DLG1: variants seen among roughly 807,000 people sequenced by gnomAD.
DLG1 encodes the protein discs large MAGUK scaffold protein 1, also known as disks large homolog 1.
Under a neutral mutation model 123.4 loss-of-function variants are expected in DLG1, and 42 were observed. The ratio of observed to expected loss-of-function variants is 0.34; its 90% CI spans 0.27 to 0.44. The LOEUF is 0.44. Among genes scored for constraint, DLG1 ranks in the 20% least tolerant of loss-of-function variants. The pLI, the probability that DLG1 is intolerant of heterozygous loss-of-function variation, is 1.00. For synonymous variants in DLG1, 317 were observed against 356.2 expected (o/e 0.89, Z 1.24); for missense variants, 942 against 1,082.6 (o/e 0.87, Z 1.82).
chr3:197,093,137 A>G (rs149961761), intron 14 of DLG1, among the ~76,000 whole-genome samples: 34 of 152,250 alleles, frequency 2.2e-4, no homozygotes, highest in African/African-American at 7.0e-4. Flanking sequence ...TATACACACA[A>G]ACATCACAAG....
At chr3:197,070,564 C>CTTTTTTTTTTTTTTTTTTTTTTTTT (rs1491200833) in intron 18 of DLG1, 3 of 44,922 alleles carry the variant, frequency 6.7e-5, no homozygotes, top group Non-Finnish European at 1.6e-4. Context: ...CTGGAAATTT[C>CTTTTTTTTTTTTTTTTTTTTTTTTT]ATTTTTTTTT....
intron 10 of DLG1, among the ~76,000 whole-genome samples, chr3:197,132,173 TCA>T (rs937725724): frequency 1.3e-5 from 2 of 152,122 alleles, no homozygotes; most frequent in African/African-American, 4.8e-5. Context: ...GGACCAACTT[TCA>T]GTTTTGTCTG....
intron 14 of DLG1, among the ~76,000 whole-genome samples, chr3:197,093,046 AAAC>A (rs1758606415): frequency 6.6e-6 from 1 of 152,198 alleles, no homozygotes; most frequent in Admixed American, 6.5e-5. Context: ...GTCAACATTT[AAAC>A]AATATAAAGA....
chr3:197,231,843 A>G (rs1217536190), intron 4 of DLG1, among the ~76,000 whole-genome samples: 1 of 152,236 alleles, frequency 6.6e-6, no homozygotes, highest in African/African-American at 2.4e-5. Flanking sequence ...ATCAAACTGC[A>G]CTACCTTGAC....
chr3:197,133,913 T>C (rs1273714003), intron 10 of DLG1, among the ~76,000 whole-genome samples: 3 of 152,146 alleles, frequency 2.0e-5, no homozygotes, highest in Non-Finnish European at 4.4e-5. Flanking sequence ...ATGATTCCAG[T>C]GTAATTAAGA....
chr3:197,194,889 A>G (rs1254955439), intron 4 of DLG1, among the ~76,000 whole-genome samples: 1 of 152,204 alleles, frequency 6.6e-6, no homozygotes, highest in East Asian at 1.9e-4. Context: ...AATTATTTAA[A>G]TAAAGTCAAT....
chr3:197,188,239 T>G (rs1448731400), intron 5 of DLG1, among the ~76,000 whole-genome samples: 2 of 152,218 alleles, frequency 1.3e-5, no homozygotes, highest in Non-Finnish European at 2.9e-5. Flanking sequence ...TCCACTGTAT[T>G]TATTTACCCC....
intron 5 of DLG1, among the ~76,000 whole-genome samples, chr3:197,189,082 C>T (rs1331439687): frequency 6.6e-6 from 1 of 152,176 alleles, no homozygotes; most frequent in Non-Finnish European, 1.5e-5. Context: ...TATCAGAATA[C>T]AATCTGTCAG....
chr3:197,151,158 T>TA (rs1793666332), intron 5 of DLG1, among the ~76,000 whole-genome samples: 2 of 152,196 alleles, frequency 1.3e-5, no homozygotes, highest in South Asian at 2.1e-4. Context: ...TTTACGTTGC[T>TA]AAAAAAATTA....
chr3:197,236,142 C>T (rs1026718181), intron 4 of DLG1, among the ~76,000 whole-genome samples: 4 of 151,962 alleles, frequency 2.6e-5, no homozygotes, highest in Non-Finnish European at 4.4e-5. Flanking sequence ...GGCGAAATCC[C>T]GTCTCTACAA....
At chr3:197,160,845 C>CA (rs573222216) in intron 5 of DLG1, among the ~76,000 whole-genome samples, 2,046 of 150,092 alleles carry the variant, frequency 0.014, 42 homozygotes, top group African/African-American at 0.044. Flanking sequence ...TCAATAATGG[C>CA]AAAAAAAAAT....
chr3:197,084,424 G>A (rs1456718791), intron 16 of DLG1, among the ~76,000 whole-genome samples: 1 of 151,450 alleles, frequency 6.6e-6, no homozygotes, highest in Non-Finnish European at 1.5e-5. Flanking sequence ...CAATTCTCCT[G>A]CCTCAGCCTC....
At chr3:197,135,037 A>G (rs1005359903) in intron 10 of DLG1, among the ~76,000 whole-genome samples, 6 of 152,224 alleles carry the variant, frequency 3.9e-5, no homozygotes, top group African/African-American at 1.4e-4. Context: ...CATGACAAGC[A>G]ACAAGCTACC....
intron 4 of DLG1, among the ~76,000 whole-genome samples, chr3:197,265,532 G>T (rs79918545): frequency 0.01 from 1,524 of 152,226 alleles, 14 homozygotes; most frequent in Non-Finnish European, 0.015. Flanking sequence ...AGGAGAGAGC[G>T]GGACAGAAAA....
At chr3:197,116,801 G>A (rs1242197388) in intron 12 of DLG1, among the ~76,000 whole-genome samples, 1 of 152,076 alleles carries the variant, frequency 6.6e-6, no homozygotes, top group Non-Finnish European at 1.5e-5. Context: ...CAGGCCTAAG[G>A]TTGCTATACC....
chr3:197,213,525 C>G (rs371175845), intron 4 of DLG1, among the ~76,000 whole-genome samples: 1 of 152,108 alleles, frequency 6.6e-6, no homozygotes, highest in Non-Finnish European at 1.5e-5. Context: ...TCAAACTGTA[C>G]GCTTTACACA....
chr3:197,180,529 T>C (rs1434529057), intron 5 of DLG1, among the ~76,000 whole-genome samples: 1 of 152,154 alleles, frequency 6.6e-6, no homozygotes, highest in African/African-American at 2.4e-5. Context: ...GTTTCACCAA[T>C]GTAATTCATA....
chr3:197,231,331 T>C (rs948854891), intron 4 of DLG1, among the ~76,000 whole-genome samples: 4 of 152,256 alleles, frequency 2.6e-5, no homozygotes, highest in Non-Finnish European at 4.4e-5. Flanking sequence ...CACAATAATG[T>C]GGACATTTCT....
In DLG1 at chr3:197,043,756, A is replaced by G. The variant is rs1721367456; in HGVS notation, c.*867T>C. The G allele has an allele frequency of 6.6e-6, 1 of 152,016 alleles. No individual in the cohort carries two copies. The highest frequency in any genetic ancestry group is 2.1e-4 in the South Asian group (1 of 4,836). The allele number at this position is 152,016 out of a possible 1,614,324, so 9.4% of individuals were successfully genotyped here. A position where few individuals can be genotyped will look rare whatever the true frequency, so the allele number is the denominator to read the frequency against. On this transcript the variant is annotated 3_prime_UTR_variant, in exon 25 of 25. Transcript: ENST00000667157. ...AAGAATACATTTGAAGTTTTAGGCT[A>G]TGAATTGGACTCCTTTCCATTGCCA...
Sources: allele counts gnomAD v4.1 joint callset (sites outside exome capture counted in the v4.1 genomes callset), GRCh38; gene constraint gnomAD v4.1.1; transcripts MANE v1.5; gene names NCBI Gene and HGNC (gene_info 2026-07-23, HGNC 2026-07-21).